The following SART1 variants were observed in gnomAD, a reference collection of about 807,000 sequenced individuals.
The protein encoded by SART1 is spliceosome associated factor 1, recruiter of U4/U6.U5 tri-snRNP, also known as U4/U6.U5 tri-snRNP-associated protein 1.
In SART1, 28 loss-of-function variants were observed where a neutral mutation model predicts 105.0. That is an observed-to-expected ratio of 0.27 (90% CI 0.20 to 0.37). The LOEUF (loss-of-function observed/expected upper bound fraction) is 0.37. Ranked by LOEUF, SART1 falls within the 10% of genes least tolerant of loss-of-function variation. SART1 has a pLI of 1.00. For synonymous variants in SART1, 472 were observed against 462.9 expected (o/e 1.02, Z -0.25); for missense variants, 894 against 1,106.5 (o/e 0.81, Z 2.72).
rs1855385796 is a variant in SART1 at position 65,971,862 on chromosome 11, A to C, written c.1572+4041A>C. ...TGTGGTTGAAGAATTACTGGATTGAAGTTAATACAGTCAATGAGCTAGAAA... is the reference window on the plus strand; with the variant it reads ...TGTGGTTGAAGAATTACTGGATTGACGTTAATACAGTCAATGAGCTAGAAA... On this transcript the variant is annotated intron_variant, in intron 12 of 19. Transcript: ENST00000312397. Among the ~76,000 whole-genome samples the C allele has an allele frequency of 2.0e-5, 3 of 152,198 alleles. No individual in the cohort carries two copies. In the South Asian group the frequency reaches 6.2e-4, roughly 32 times the overall value.
At chr11:65,977,691 G>T in intron 16 of SART1, 38 bp downstream of exon 16, 1 of 1,613,686 alleles carries the variant, frequency 6.2e-7, no homozygotes, top group East Asian at 2.2e-5. Flanking sequence ...TGAGGGGCCT[G>T]TGCCAGCTTG....
chr11:65,968,459 G>A (rs753579629), intron 12 of SART1, among the ~76,000 whole-genome samples: 2 of 152,160 alleles, frequency 1.3e-5, no homozygotes, highest in African/African-American at 4.8e-5. Context: ...GGGGGAGAGC[G>A]TGGGGAGCAG....
rs1216902228 is a variant in SART1, at chr11:65,978,133, G to A, written c.2172+234G>A. The A allele has an allele frequency of 3.5e-6, 2 of 576,646 alleles. No homozygotes were observed. The highest frequency in any genetic ancestry group is 2.9e-5 in the East Asian group (1 of 33,924). 35.7% of individuals were successfully genotyped at this position (576,646 alleles called of 1,614,324 possible). A position where few individuals can be genotyped will look rare whatever the true frequency, so the allele number is the denominator to read the frequency against. Reference sequence around the variant, plus strand: ...CTTTGCAAGCCTGGCAGGAGGGTCAGACAGGCACTCGGGACCTCTGCCCTC... The same window carrying A: ...CTTTGCAAGCCTGGCAGGAGGGTCAAACAGGCACTCGGGACCTCTGCCCTC... On this transcript the variant is annotated intron_variant, in intron 17 of 19. Transcript: ENST00000312397. The surrounding 1 kb of genome is among the most constrained non-coding windows in gnomAD (Gnocchi z 6.8).
Position 65,976,711 on chromosome 11 carries a change from A to T in SART1, c.1802A>T (p.Glu601Val). 1 of 1,613,500 alleles carries T rather than the reference A, an allele frequency of 6.2e-7. No homozygotes were observed. Among genetic ancestry groups the T allele is most frequent in the Non-Finnish European group, 8.5e-7 (1 of 1,179,868 alleles). The change falls in exon 14 of 20, where the codon GAG (glutamate) becomes GTG (valine). Residue 601 changes from glutamate (E) to valine (V), a missense_variant. Transcript: ENST00000312397. This position sits in a 1 kb window ranked among gnomAD's most constrained non-coding sequence, Gnocchi z 5.1. ...AACGGTGGCTCCGAATCTGACGGGGAGGAGAACATCGGCTGGAGCACGGTG... is the reference window on the plus strand; with the variant it reads ...AACGGTGGCTCCGAATCTGACGGGGTGGAGAACATCGGCTGGAGCACGGTG... ...SANGGSESDGEENIGWSTVNL... is the reference protein window; with the variant it reads ...SANGGSESDGVENIGWSTVNL...
intron 12 of SART1, 58 bp downstream of exon 12, chr11:65,967,879 C>A: frequency 7.2e-7 from 1 of 1,383,958 alleles, no homozygotes; most frequent in Non-Finnish European, 9.6e-7. Flanking sequence ...TCACGAGCAC[C>A]TGTGTCATAG....
At chr11:65,962,993 G>A (rs750727820) in intron 1 of SART1, among the ~76,000 whole-genome samples, 2 of 151,992 alleles carry the variant, frequency 1.3e-5, no homozygotes, top group African/African-American at 2.4e-5. Flanking sequence ...AGCGGGGGTG[G>A]GGGGAGATAG....
chr11:65,963,112 C>G (rs1206188328), intron 1 of SART1, among the ~76,000 whole-genome samples: 3 of 151,878 alleles, frequency 2.0e-5, no homozygotes, highest in African/African-American at 7.3e-5. Flanking sequence ...CCCTGAAAGA[C>G]TGTGACATGA....
intron 3 of SART1, 119 bp from the exon 4 acceptor site, chr11:65,964,973 T>C (rs1444527660): frequency 1.5e-6 from 2 of 1,293,218 alleles, no homozygotes; most frequent in African/African-American, 3.0e-5. Context: ...TGAAGGATTG[T>C]TCCTTCCTGT....
intron 12 of SART1, among the ~76,000 whole-genome samples, chr11:65,970,089 T>C (rs1855343034): frequency 1.3e-5 from 2 of 152,172 alleles, no homozygotes; most frequent in Admixed American, 1.3e-4. Context: ...GTGGAAAGCC[T>C]ATCACAGTGA....
In SART1 at chr11:65,965,399, C is replaced by A; in HGVS notation, c.612C>A (p.Ile204=). The change falls in exon 5 of 20, where the codon ATC becomes ATA. Residue 204 remains isoleucine, a synonymous_variant. Transcript: ENST00000312397. The stretch of plus-strand genomic sequence containing the variant: ...GGCTGGACGACACTGCAGCCTGGAT[C>A]GAGAGGAGCCGGCAGCTGCAGAAGG... ...DPWLDDTAAW[I]ERSRQLQKEK... is the part of the protein sequence containing the mutation. 1 of 1,575,372 alleles carries A rather than the reference C, an allele frequency of 6.3e-7. No homozygotes were observed. Among genetic ancestry groups the A allele is most frequent in the Non-Finnish European group, 8.6e-7 (1 of 1,160,730 alleles).
intron 12 of SART1, among the ~76,000 whole-genome samples, chr11:65,974,890 A>G (rs2134919609): frequency 6.6e-6 from 1 of 151,578 alleles, no homozygotes; most frequent in South Asian, 2.1e-4. Flanking sequence ...ATACAAAAAA[A>G]TTAGCTGGGC....
At chr11:65,968,379 T>C (rs918526839) in intron 12 of SART1, among the ~76,000 whole-genome samples, 2 of 152,202 alleles carry the variant, frequency 1.3e-5, no homozygotes, top group Admixed American at 6.5e-5. Flanking sequence ...GTTCTTGGGC[T>C]GAGAAGGTCA....
rs1855522094 is a variant in SART1 at position 65,978,169 on chromosome 11, C to T, written c.2172+270C>T. On this transcript the variant is annotated intron_variant, in intron 17 of 19. Coordinates refer to ENST00000312397, the MANE Select transcript of SART1 (RefSeq NM_005146.5). This position sits in a 1 kb window ranked among gnomAD's most constrained non-coding sequence, Gnocchi z 6.8. The stretch of plus-strand genomic sequence containing the variant: ...GGGACCTCTGCCCTCCTGTCCTCAC[C>T]TGCGTGAGCCCTTCACTGGCTTTCC... 3.7e-6 allele frequency: 2 copies of T among 537,570 alleles called. No individual in the cohort carries two copies. The highest frequency in any genetic ancestry group is 6.7e-6 in the Non-Finnish European group (2 of 299,070). 33.3% of individuals were successfully genotyped at this position (537,570 alleles called of 1,614,324 possible).
chr11:65,978,984 A>G lies in SART1; in HGVS notation c.2385-28A>G, dbSNP rs373320354. The G allele has an allele frequency of 3.7e-6, 6 of 1,613,866 alleles. No homozygotes were observed. The stretch of plus-strand genomic sequence containing the variant: ...TGGCGTGGCCTGTGCCCGCCTCTGC[A>G]GCCTCACGCCCCTGTTCTTCTCTGC... On this transcript the variant is annotated intron_variant, in intron 19 of 19. Coordinates refer to ENST00000312397, the MANE Select transcript of SART1 (RefSeq NM_005146.5). The surrounding 1 kb of genome is among the most constrained non-coding windows in gnomAD (Gnocchi z 6.8).
At chr11:65,970,797 A>T (rs1333344197) in intron 12 of SART1, among the ~76,000 whole-genome samples, 2 of 35,058 alleles carry the variant, frequency 5.7e-5, no homozygotes, top group Non-Finnish European at 5.4e-5. Flanking sequence ...CTGCTGAGGG[A>T]GGGGGATGGT....
chr11:65,965,063 A>G (rs1855220228), intron 3 of SART1, 29 bp from the exon 4 acceptor site: 3 of 1,552,692 alleles, frequency 1.9e-6, no homozygotes, highest in Non-Finnish European at 1.7e-6. Flanking sequence ...ATGGGCGGGC[A>G]TAGCCTCACG....
In SART1 at chr11:65,967,184, T is replaced by C; in HGVS notation, c.1189-75T>C. The C allele has an allele frequency of 5.1e-6, 8 of 1,569,888 alleles. No homozygotes were observed. The South Asian group carries it at 9.6e-5, about 19-fold the overall frequency. The stretch of plus-strand genomic sequence containing the variant: ...CTAGCACAGAGGAACACCAAAGAAG[T>C]GTTCACCCTCGAGGGCTTGTGGCGA... On this transcript the variant is annotated intron_variant, in intron 9 of 19. Transcript: ENST00000312397.
intron 12 of SART1, among the ~76,000 whole-genome samples, chr11:65,974,354 A>C (rs1855438764): frequency 7.2e-6 from 1 of 138,806 alleles, no homozygotes; most frequent in Non-Finnish European, 1.5e-5. Flanking sequence ...AGCCTGGCCA[A>C]CAGTGAGACT....
Position 65,978,038 on chromosome 11 carries a change from G to A in SART1, c.2172+139G>A, listed in dbSNP as rs999763208. On this transcript the variant is annotated intron_variant, in intron 17 of 19. Coordinates refer to ENST00000312397, the MANE Select transcript of SART1 (RefSeq NM_005146.5). The surrounding 1 kb of genome is among the most constrained non-coding windows in gnomAD (Gnocchi z 6.8). ...TGGCTGGGGGCCTGGTGAATGCCAC[G>A]GATGGGGAGGGGGCCCTCAGGGCTG... is the stretch of plus-strand genomic sequence containing the variant. The A allele has an allele frequency of 2.3e-5, 20 of 880,472 alleles. No individual in the cohort carries two copies. Among genetic ancestry groups the A allele is most frequent in the African/African-American group, 1.7e-4 (10 of 58,578 alleles). The allele number at this position is 880,472 out of a possible 1,614,324, so 54.5% of individuals were successfully genotyped here.
Sources: allele counts gnomAD v4.1 joint callset (sites outside exome capture counted in the v4.1 genomes callset), GRCh38; gene constraint gnomAD v4.1.1; non-coding constraint Gnocchi (gnomAD v3.1); transcripts MANE v1.5; gene names NCBI Gene and HGNC (gene_info 2026-07-23, HGNC 2026-07-21).